Variants in ST6GALNAC6 observed in about 807,000 individuals in gnomAD.
ST6GALNAC6 encodes the protein alpha-N-acetylgalactosaminide alpha-2,6-sialyltransferase 6.
Under a neutral mutation model 34.3 loss-of-function variants are expected in ST6GALNAC6, and 19 were observed. That is an observed-to-expected ratio of 0.55 (90% CI 0.39 to 0.81). The LOEUF (loss-of-function observed/expected upper bound fraction) is 0.81. Ranked by LOEUF, ST6GALNAC6 falls within the 40% of genes least tolerant of loss-of-function variation. The pLI, the probability that ST6GALNAC6 is intolerant of heterozygous loss-of-function variation, is 0.00. For synonymous variants in ST6GALNAC6, 185 were observed against 182.1 expected, an observed-to-expected ratio of 1.02 and a Z score of -0.13; for missense variants, 377 against 467.7, an observed-to-expected ratio of 0.81 and a Z score of 1.79.
intron 4 of ST6GALNAC6, among the ~76,000 whole-genome samples, chr9:127,893,032 C>T (rs561014939): frequency 1.7e-4 from 26 of 152,278 alleles, no homozygotes; most frequent in Non-Finnish European, 2.5e-4. Context: ...CTGCAACACC[C>T]GCAGTCTCAG....
At chr9:127,900,991 CAAAAAAAAAA>C (rs56673204), upstream of ST6GALNAC6, among the ~76,000 whole-genome samples, 3 of 60,986 alleles carry the variant, frequency 4.9e-5, no homozygotes, top group South Asian at 8.6e-4. Flanking sequence ...AACTCCCTAT[CAAAAAAAAAA>C]AAAAAAAAAA....
chr9:127,886,783 C>G lies in ST6GALNAC6; in HGVS notation c.818G>C (p.Arg273Pro). 1 of 1,604,114 alleles carries G rather than the reference C, an allele frequency of 6.2e-7. No homozygotes were observed. Among genetic ancestry groups the G allele is most frequent in the Non-Finnish European group, 8.5e-7 (1 of 1,174,358 alleles). ...GMVPPNYCSQ[R>P]PRLQRMPYHY... ...GTAGGGCATGCGCTGGAGGCGGGGC[C>G]GCTGGCTGGGACAGAGCAGACGGGC... is the stretch of plus-strand genomic sequence containing the variant. The change falls in exon 7 of 7, where the codon CGG (arginine) becomes CCG (proline). Residue 273 changes from arginine (R) to proline (P), a missense_variant. Physicochemically the swap from Arg to Pro is moderately radical, Grantham distance 103 (BLOSUM62 -2). Transcript: ENST00000373146.
upstream of ST6GALNAC6, chr9:127,905,397 C>G (rs900217288): frequency 2.0e-6 from 2 of 985,458 alleles, no homozygotes; most frequent in African/African-American, 3.5e-5. Flanking sequence ...TTTGGGCCAA[C>G]CCAGCAGTAA....
Position 127,890,489 on chromosome 9 carries a change from G to A in ST6GALNAC6, c.704+148C>T, listed in dbSNP as rs996274363. 28 of 1,131,618 alleles carry A rather than the reference G, an allele frequency of 2.5e-5. No homozygotes were observed. The African/African-American group carries it at 3.4e-4, about 14-fold the overall frequency. 70.1% of individuals were successfully genotyped at this position (1,131,618 alleles called of 1,614,324 possible). On this transcript the variant is annotated intron_variant, in intron 5 of 6. Transcript: ENST00000373146. This position sits in a 1 kb window ranked among gnomAD's most constrained non-coding sequence, Gnocchi z 4.3. ...ACCCATGTGAACAGCTGGACATGAAGAGAACTCTCCTAGGAGGCCCAACCA... is the reference window on the plus strand; with the variant it reads ...ACCCATGTGAACAGCTGGACATGAAAAGAACTCTCCTAGGAGGCCCAACCA...
chr9:127,886,257 G>T lies in ST6GALNAC6; in HGVS notation c.*342C>A, dbSNP rs1357910508. 5 of 454,900 alleles carry T rather than the reference G, an allele frequency of 1.1e-5. No individual in the cohort carries two copies. The highest frequency in any genetic ancestry group is 1.9e-5 in the Non-Finnish European group (5 of 269,226). The allele number at this position is 454,900 out of a possible 1,614,324, so 28.2% of individuals were successfully genotyped here. A position where few individuals can be genotyped will look rare whatever the true frequency, so the allele number is the denominator to read the frequency against. On this transcript the variant is annotated 3_prime_UTR_variant, in exon 7 of 7. Coordinates refer to ENST00000373146, the MANE Select transcript of ST6GALNAC6 (RefSeq NM_013443.5). ...TATCCCAGGAGAGTGGGGAGTGATT[G>T]GGGGGTCCATTCCTGGGGCTCTGAA...
rs1455490487 is a variant in ST6GALNAC6, at chr9:127,894,701, GGA to G, written c.118-12_118-11del. On this transcript the variant is annotated splice_polypyrimidine_tract_variant and intron_variant, in intron 3 of 6. Coordinates refer to ENST00000373146, the MANE Select transcript of ST6GALNAC6 (RefSeq NM_013443.5). ...CTGCTGACCGCTGCTCCTGGAGAGA[GGA>G]GAGGTCAGTGAGGGCCCAGCTGCCG... The G allele has an allele frequency of 1.9e-6, 3 of 1,611,124 alleles. No homozygotes were observed. The highest frequency in any genetic ancestry group is 2.5e-6 in the Non-Finnish European group (3 of 1,178,262).
chr9:127,905,949 T>C, upstream of ST6GALNAC6: 1 of 985,408 alleles, frequency 1.0e-6, no homozygotes, highest in Non-Finnish European at 1.2e-6. Context: ...GCCTGACACC[T>C]GTTGAGAGCT....
chr9:127,898,371 G>A lies in ST6GALNAC6; in HGVS notation c.-29-361C>T, dbSNP rs183835392. 3.2e-3 allele frequency among the ~76,000 whole-genome samples: 484 copies of A among 152,086 alleles called. 3 individuals carry two copies. Among genetic ancestry groups the A allele is most frequent in the African/African-American group, 0.011 (468 of 41,466 alleles). On this transcript the variant is annotated intron_variant, in intron 1 of 6. Transcript: ENST00000373146. ...TGGTGCCACTGCACTCCAGCCTGGC[G>A]ACAGAGCGAGACTCCGTCTCAAAAA...
chr9:127,892,589 T>C (rs1830213807), intron 4 of ST6GALNAC6, among the ~76,000 whole-genome samples: 1 of 152,216 alleles, frequency 6.6e-6, no homozygotes, highest in African/African-American at 2.4e-5. Context: ...TGTCAAGCTG[T>C]AGGCATAAAC....
At chr9:127,896,427 G>T in intron 2 of ST6GALNAC6, 95 bp from the exon 3 acceptor site, 1 of 1,076,452 alleles carries the variant, frequency 9.3e-7, no homozygotes, top group Non-Finnish European at 1.4e-6. Context: ...GTTCTTCTAT[G>T]CACCCAGAAC....
At chr9:127,896,437 C>T (rs1031995480) in intron 2 of ST6GALNAC6, 105 bp from the exon 3 acceptor site, 1 of 970,100 alleles carries the variant, frequency 1.0e-6, no homozygotes, top group East Asian at 2.5e-5. Context: ...GCACCCAGAA[C>T]TTTAAGGCTC....
chr9:127,886,435 T>A lies in ST6GALNAC6; in HGVS notation c.*164A>T. ...CCCAAATCCCTGATTCGCCAACAGA[T>A]TCCCCAGGCCCTGATTGGCTGGAGG... is the stretch of plus-strand genomic sequence containing the variant. On this transcript the variant is annotated 3_prime_UTR_variant, in exon 7 of 7. Transcript: ENST00000373146. The A allele has an allele frequency of 2.1e-6, 3 of 1,440,534 alleles. No homozygotes were observed. Among genetic ancestry groups the A allele is most frequent in the Non-Finnish European group, 2.7e-6 (3 of 1,098,608 alleles). 89.2% of individuals were successfully genotyped at this position (1,440,534 alleles called of 1,614,324 possible). A position where few individuals can be genotyped will look rare whatever the true frequency, so the allele number is the denominator to read the frequency against.
At position 127,905,206 on chromosome 9, in the gene ST6GALNAC6, C is replaced by T; in HGVS notation, c.-77+1G>A. 1 of 985,524 alleles carries T rather than the reference C, an allele frequency of 1.0e-6. No homozygotes were observed. The highest frequency in any genetic ancestry group is 1.2e-6 in the Non-Finnish European group (1 of 830,018). The allele number at this position is 985,524 out of a possible 1,614,324, so 61.0% of individuals were successfully genotyped here. ...TGGGGAGGCTCCTGCCCTGGGCTCA[C>T]CTCAAGGAAGCTGCAGGAACTGCTG... On this transcript the variant is annotated splice_donor_variant, in intron 1 of 5. Coordinates refer to the ST6GALNAC6 transcript ENST00000622357. LOFTEE classifies it low-confidence loss of function (5UTR_SPLICE).
chr9:127,898,874 C>G (rs879721080), intron 1 of ST6GALNAC6, among the ~76,000 whole-genome samples: 13 of 151,902 alleles, frequency 8.6e-5, no homozygotes, highest in Non-Finnish European at 1.6e-4. Flanking sequence ...GGGTGCCGGC[C>G]TGTTGGGGAG....
At chr9:127,896,452 C>G in intron 2 of ST6GALNAC6, 120 bp from the exon 3 acceptor site, 1 of 828,976 alleles carries the variant, frequency 1.2e-6, no homozygotes, top group South Asian at 1.8e-5. Context: ...AGGCTCAGGA[C>G]TGTATCCCTT....
rs59403833 is a variant in ST6GALNAC6, at chr9:127,888,806, A to AAAACAAACAAAC, written c.705-1227_705-1216dup. Among the ~76,000 whole-genome samples the AAAACAAACAAAC allele has an allele frequency of 1.0e-3, 149 of 148,798 alleles. 1 individual carries two copies. The highest frequency in any genetic ancestry group is 3.0e-3 in the East Asian group (15 of 4,958). ...GGGTGACAGGGCAAGACTCCATCTCAAAACAAACAAACAAACAAACAAACA... is the reference window on the plus strand; with the variant it reads ...GGGTGACAGGGCAAGACTCCATCTCAAAACAAACAAACAAACAAACAAACAAACAAACAAACA... On this transcript the variant is annotated intron_variant, in intron 5 of 6. Transcript: ENST00000373146.
intron 5 of ST6GALNAC6, among the ~76,000 whole-genome samples, chr9:127,888,971 A>C (rs1256190668): frequency 2.0e-5 from 3 of 152,258 alleles, no homozygotes; most frequent in African/African-American, 4.8e-5. Context: ...ATAGGCATAC[A>C]GATTAGAAAG....
intron 4 of ST6GALNAC6, among the ~76,000 whole-genome samples, chr9:127,893,899 C>T (rs996044715): frequency 6.6e-6 from 1 of 152,338 alleles, no homozygotes; most frequent in East Asian, 1.9e-4. Context: ...CTCAGAAATA[C>T]AATCTGAATT....
chr9:127,892,570 A>C (rs569246871), intron 4 of ST6GALNAC6, among the ~76,000 whole-genome samples: 1 of 152,230 alleles, frequency 6.6e-6, no homozygotes, highest in South Asian at 2.1e-4. Context: ...CACCCCCCGC[A>C]CACCTTTCTG....
Sources: allele counts gnomAD v4.1 joint callset (sites outside exome capture counted in the v4.1 genomes callset), GRCh38; gene constraint gnomAD v4.1.1; non-coding constraint Gnocchi (gnomAD v3.1); transcripts MANE v1.5; gene names NCBI Gene and HGNC (gene_info 2026-07-23, HGNC 2026-07-21).